The following RBM42 variants were observed in gnomAD, a reference collection of about 807,000 sequenced individuals.
The protein encoded by RBM42 is RNA binding motif protein 42.
Under a neutral mutation model 41.4 loss-of-function variants are expected in RBM42, and 21 were observed. That is an observed-to-expected ratio of 0.51 (90% CI 0.36 to 0.73). The LOEUF is 0.73. RBM42 is among the 30% of genes least tolerant of loss of function. The pLI is 0.00. For synonymous variants in RBM42, 272 were observed against 271.2 expected (o/e 1.00, Z -0.03); for missense variants, 539 against 680.4 (o/e 0.79, Z 2.31).
rs1599606339 is a variant in RBM42 at position 35,632,849 on chromosome 19, G to A, written c.443-87G>A. ...TCCAGGATTTCTTGATGCTGAGAGTGCACACACACACACGCATGCACACAC... is the reference window on the plus strand; with the variant it reads ...TCCAGGATTTCTTGATGCTGAGAGTACACACACACACACGCATGCACACAC... On this transcript the variant is annotated intron_variant, in intron 4 of 9. Coordinates refer to ENST00000262633, the MANE Select transcript of RBM42 (RefSeq NM_024321.5). 26 of 720,488 alleles carry A rather than the reference G, an allele frequency of 3.6e-5. No individual in the cohort carries two copies. In the East Asian group the frequency reaches 6.5e-4, roughly 18 times the overall value. The allele number at this position is 720,488 out of a possible 1,614,324, so 44.6% of individuals were successfully genotyped here.
In RBM42 at chr19:35,637,031, T is replaced by C; in HGVS notation, c.1136-127T>C. On this transcript the variant is annotated intron_variant, in intron 8 of 9. Transcript: ENST00000262633. The surrounding 1 kb of genome is among the most constrained non-coding windows in gnomAD (Gnocchi z 7.0). ...CTCCTGGCGCAGGGTCAGTAGGTGT[T>C]GACCATTATTACTAAGAGGTCCCTA... 1.2e-6 allele frequency: 1 copy of C among 850,676 alleles called. No individual in the cohort carries two copies. Among genetic ancestry groups the C allele is most frequent in the South Asian group, 1.7e-5 (1 of 57,446 alleles). 52.7% of individuals were successfully genotyped at this position (850,676 alleles called of 1,614,324 possible).
intron 8 of RBM42, among the ~76,000 whole-genome samples, chr19:35,636,181 C>T (rs1378772412): frequency 1.4e-5 from 2 of 147,742 alleles, no homozygotes; most frequent in African/African-American, 5.0e-5. Flanking sequence ...TTTTTTGAGA[C>T]AGAGTCTCGC....
In RBM42 at chr19:35,633,152, C is replaced by CAGGCAGAGGGGGG; in HGVS notation, c.584_585insAGGCAGAGGGGGG (p.Pro196GlyfsTer72). The stretch of plus-strand genomic sequence containing the variant: ...CCCCCTCACCAGGCCCTCGTGGGCC[C>CAGGCAGAGGGGGG]CCCTCTGCCTGGGCCCCCTGGACCA... On this transcript the variant is annotated frameshift_variant, in exon 6 of 10. Transcript: ENST00000262633. LOFTEE classifies it high-confidence loss of function. The CAGGCAGAGGGGGG allele has an allele frequency of 6.3e-7, 1 of 1,576,074 alleles. No individual in the cohort carries two copies. The highest frequency in any genetic ancestry group is 8.7e-7 in the Non-Finnish European group (1 of 1,145,560).
chr19:35,629,744 G>A lies in RBM42; in HGVS notation c.282+71G>A, dbSNP rs954263764. ...AACAGAGTAGGTGTTTGTGTACAGA[G>A]AGCTGTTGACGTTTTGGCTTGTTGA... is the stretch of plus-strand genomic sequence containing the variant. On this transcript the variant is annotated intron_variant, in intron 2 of 9. Transcript: ENST00000262633. 19 of 1,535,198 alleles carry A rather than the reference G, an allele frequency of 1.2e-5. No homozygotes were observed. The Admixed American group carries it at 2.4e-4, about 20-fold the overall frequency.
intron 8 of RBM42, among the ~76,000 whole-genome samples, chr19:35,636,153 G>GTTTTTTTTTTTTTTTTTT (rs548944915): frequency 7.2e-6 from 1 of 138,222 alleles, no homozygotes; most frequent in Non-Finnish European, 1.6e-5. Flanking sequence ...TTCTTCTTTT[G>GTTTTTTTTTTTTTTTTTT]TTTTTTTTTT....
rs556741064 is a variant in RBM42 at position 35,630,086 on chromosome 19, C to T, written c.282+413C>T. ...ATCCCAGCACTTTGGGAGACCAAGGCGGGCAGATCACGAGGTCAAGAGATC... is the reference window on the plus strand; with the variant it reads ...ATCCCAGCACTTTGGGAGACCAAGGTGGGCAGATCACGAGGTCAAGAGATC... On this transcript the variant is annotated intron_variant, in intron 2 of 9. Transcript: ENST00000262633. Among the ~76,000 whole-genome samples, 3 of 152,126 alleles carry T rather than the reference C, an allele frequency of 2.0e-5. No homozygotes were observed. The East Asian group carries it at 5.8e-4, about 29-fold the overall frequency.
rs759913010 is a variant in RBM42, at chr19:35,633,975, C to T, written c.973C>T (p.Arg325Trp). The change falls in exon 7 of 10, where the codon CGG becomes TGG. Residue 325 changes from arginine to tryptophan, a missense_variant. Transcript: ENST00000262633. ...ACTCCTGTCCCTGCGTCCTCGGCCC[C>T]GGCCCCCTCGGCCAGAGCCACCCCC... Reference protein sequence around the residue: ...PELLSLRPRPRPPRPEPPPGL... With the variant: ...PELLSLRPRPWPPRPEPPPGL... 5.2e-6 allele frequency: 8 copies of T among 1,536,936 alleles called. No homozygotes were observed. Among genetic ancestry groups the T allele is most frequent in the Admixed American group, 2.0e-5 (1 of 50,762 alleles).
chr19:35,630,856 G>T (rs934670236), intron 2 of RBM42, among the ~76,000 whole-genome samples: 4 of 151,538 alleles, frequency 2.6e-5, no homozygotes, highest in African/African-American at 9.7e-5. Context: ...TGGTGGCTTG[G>T]ATGGAGGTTG....
Position 35,633,593 on chromosome 19 carries a change from G to A in RBM42, c.685-94G>A, listed in dbSNP as rs1391751577. The A allele has an allele frequency of 1.1e-5, 14 of 1,221,090 alleles. No homozygotes were observed. In the South Asian group the frequency reaches 1.7e-4, roughly 15 times the overall value. The allele number at this position is 1,221,090 out of a possible 1,614,324, so 75.6% of individuals were successfully genotyped here. On this transcript the variant is annotated intron_variant, in intron 6 of 9. Transcript: ENST00000262633. Reference sequence around the variant, plus strand: ...TTGGGTGTCTCTTGGCTGCTCTCTGGCCCCCAGGCCCTTTCTTTGTTGGAT... The same window carrying A: ...TTGGGTGTCTCTTGGCTGCTCTCTGACCCCCAGGCCCTTTCTTTGTTGGAT...
rs1967437933 is a variant in RBM42 at position 35,633,250 on chromosome 19, C to G, written c.682C>G (p.Leu228Val). The G allele has an allele frequency of 6.3e-7, 1 of 1,575,348 alleles. No homozygotes were observed. Among genetic ancestry groups the G allele is most frequent in the South Asian group, 1.2e-5 (1 of 84,996 alleles). ...LGSMAALRPP[L>V]EEPAAPRELG... ...CTCCATGGCTGCACTGAGGCCCCCT[C>G]TGGTGAGTGTGAACAGGGAACTAAC... is the stretch of plus-strand genomic sequence containing the variant. Residue 228 changes from leucine to valine, a missense_variant and splice_region_variant, in exon 6 of 10, where the codon CTG becomes GTG. Transcript: ENST00000262633.
At chr19:35,634,622 GC>G (rs1967464456) in intron 8 of RBM42, among the ~76,000 whole-genome samples, 1 of 151,654 alleles carries the variant, frequency 6.6e-6, no homozygotes, top group Admixed American at 6.6e-5. Context: ...GCTTCAGAGA[GC>G]ATTCTTTTTT....
chr19:35,636,919 G>A (rs1476790587), intron 8 of RBM42, among the ~76,000 whole-genome samples: 1 of 151,954 alleles, frequency 6.6e-6, no homozygotes, highest in African/African-American at 2.4e-5. Context: ...TGTCACTGTG[G>A]GCAGTGACTT....
In RBM42 at chr19:35,631,804, G is replaced by A. The variant is rs140547161; in HGVS notation, c.442+399G>A. ...GGATGAACGGACTGTTGAGACAAGC[G>A]CCAGGCTTTTCCCCTGGCAGTCACA... On this transcript the variant is annotated intron_variant, in intron 4 of 9. Coordinates refer to ENST00000262633, the MANE Select transcript of RBM42 (RefSeq NM_024321.5). 3.2e-3 allele frequency: 643 copies of A among 199,254 alleles called. 4 individuals carry two copies. The highest frequency in any genetic ancestry group is 0.014 in the African/African-American group (592 of 42,030). 12.3% of individuals were successfully genotyped at this position (199,254 alleles called of 1,614,324 possible).
chr19:35,629,528 A>G lies in RBM42; in HGVS notation c.137A>G (p.Gln46Arg). Residue 46 changes from glutamine (Q) to arginine (R), a missense_variant, in exon 2 of 10, where the codon CAG (glutamine) becomes CGG (arginine). By Grantham distance (43) the Gln-to-Arg change is conservative. Coordinates refer to ENST00000262633, the MANE Select transcript of RBM42 (RefSeq NM_024321.5). ...EMEAEMALFE[Q>R]EVLGAPVPGI... Reference sequence around the variant, plus strand: ...CTGTTCTACTCCTCCAGGTTTGAGCAGGAAGTTCTGGGGGCTCCAGTACCT... The same window carrying G: ...CTGTTCTACTCCTCCAGGTTTGAGCGGGAAGTTCTGGGGGCTCCAGTACCT... 6.2e-7 allele frequency: 1 copy of G among 1,614,200 alleles called. No homozygotes were observed. The highest frequency in any genetic ancestry group is 8.5e-7 in the Non-Finnish European group (1 of 1,180,032).
chr19:35,637,485 G>A lies in RBM42; in HGVS notation c.1374G>A (p.Met458Ile). The A allele has an allele frequency of 6.2e-7, 1 of 1,614,248 alleles. No homozygotes were observed. Among genetic ancestry groups the A allele is most frequent in the Non-Finnish European group, 8.5e-7 (1 of 1,180,046 alleles). The change falls in exon 10 of 10, where the codon ATG (methionine) becomes ATA (isoleucine). Residue 458 changes from methionine to isoleucine, a missense_variant. Around this residue, in one of 2 missense-constraint regions of RBM42, gnomAD observed 110 missense variants for 191.5 expected, o/e 0.57. Transcript: ENST00000262633. This position sits in a 1 kb window ranked among gnomAD's most constrained non-coding sequence, Gnocchi z 7.0. ...GSRPIKLRKS[M>I]WKDRNLDVVR... ...GCCCCATCAAGCTTCGCAAGAGCAT[G>A]TGGAAGGACCGGAATCTGGACGTGG...
At position 35,633,248 on chromosome 19, in the gene RBM42, C is replaced by A; in HGVS notation, c.680C>A (p.Pro227His). ...GGCTCCATGGCTGCACTGAGGCCCCCTCTGGTGAGTGTGAACAGGGAACTA... is the reference window on the plus strand; with the variant it reads ...GGCTCCATGGCTGCACTGAGGCCCCATCTGGTGAGTGTGAACAGGGAACTA... ...PLGSMAALRP[P>H]LEEPAAPREL... Residue 227 changes from proline (P) to histidine (H), a missense_variant, in exon 6 of 10, where the codon CCT (proline) becomes CAT (histidine). By Grantham distance (77) the Pro-to-His change is moderately conservative. Coordinates refer to ENST00000262633, the MANE Select transcript of RBM42 (RefSeq NM_024321.5). The A allele has an allele frequency of 6.3e-7, 1 of 1,577,084 alleles. No homozygotes were observed. The highest frequency in any genetic ancestry group is 1.2e-5 in the South Asian group (1 of 85,364).
In RBM42 at chr19:35,633,366, C is replaced by A; in HGVS notation, c.684+114C>A. ...TCTCTCCTGACTTTCTGTTTCTCTA[C>A]CTTCTCACTCTGCCTTTGTCTCTGT... On this transcript the variant is annotated intron_variant, in intron 6 of 9. Coordinates refer to ENST00000262633, the MANE Select transcript of RBM42 (RefSeq NM_024321.5). 7.1e-6 allele frequency: 6 copies of A among 843,716 alleles called. No individual in the cohort carries two copies. The South Asian group carries it at 1.0e-4, about 14-fold the overall frequency. The allele number at this position is 843,716 out of a possible 1,614,324, so 52.3% of individuals were successfully genotyped here.
intron 4 of RBM42, chr19:35,631,686 A>G: frequency 8.0e-6 from 4 of 501,816 alleles, no homozygotes; most frequent in South Asian, 4.8e-5. Flanking sequence ...TACTATGGCT[A>G]TCATCTTTTG....
At position 35,635,441 on chromosome 19, in the gene RBM42, ACT is replaced by A. The variant is rs1967480810; in HGVS notation, c.1135+1071_1135+1072del. On this transcript the variant is annotated intron_variant, in intron 8 of 9. Transcript: ENST00000262633. ...TTCGTATTTCCCTAGGTGTCCCAAA[ACT>A]CTGTTAGAACTATTAATGTTTTTGC... is the stretch of plus-strand genomic sequence containing the variant. 2.0e-5 allele frequency among the ~76,000 whole-genome samples: 3 copies of A among 151,624 alleles called. No homozygotes were observed. The South Asian group carries it at 6.3e-4, about 32-fold the overall frequency.
Sources: gnomAD v4.1 joint callset for allele counts (sites outside exome capture counted in the v4.1 genomes callset) on GRCh38, gnomAD v4.1.1 for gene constraint, gnomAD v4.1.1 regional missense constraint, Gnocchi (gnomAD v3.1) non-coding constraint, MANE v1.5 for transcripts, NCBI Gene and HGNC (gene_info 2026-07-23, HGNC 2026-07-21) for gene names.